Variants in ADCY10 observed in about 807,000 individuals in gnomAD.
ADCY10 encodes the protein adenylate cyclase type 10.
A neutral mutation model predicts 183.3 loss-of-function variants in ADCY10; 156 were observed. The ratio of observed to expected loss-of-function variants is 0.85; its 90% CI spans 0.75 to 0.97. The LOEUF is 0.97. ADCY10 is among the 50% of genes least tolerant of loss of function. The probability of loss-of-function intolerance (pLI) is 0.00; values close to 1 mark genes in which losing one functional copy is unlikely to be tolerated. For synonymous variants in ADCY10, 645 were observed against 670.0 expected (o/e 0.96, Z 0.58); for missense variants, 1,745 against 1,934.3 (o/e 0.90, Z 1.84).
chr1:167,864,868 CTG>C, intron 14 of ADCY10, among the ~76,000 whole-genome samples: 1 of 145,700 alleles, frequency 6.9e-6, no homozygotes, highest in Non-Finnish European at 1.5e-5. Flanking sequence ...TGCATTCAAT[CTG>C]TAGCAGCAGC....
chr1:167,876,855 T>G (rs1667503731), intron 12 of ADCY10, among the ~76,000 whole-genome samples: 1 of 152,334 alleles, frequency 6.6e-6, no homozygotes, highest in South Asian at 2.1e-4. Context: ...TGAAAAATGC[T>G]TTTGCATTGG....
At chr1:167,879,877 CAT>C (rs1287415264) in intron 11 of ADCY10, among the ~76,000 whole-genome samples, 1 of 152,226 alleles carries the variant, frequency 6.6e-6, no homozygotes, top group African/African-American at 2.4e-5. Context: ...ATTCCATCAA[CAT>C]ATAGCCTCCC....
At chr1:167,847,164 T>C (rs1299157607) in intron 19 of ADCY10, among the ~76,000 whole-genome samples, 1 of 151,916 alleles carries the variant, frequency 6.6e-6, no homozygotes, top group Non-Finnish European at 1.5e-5. Flanking sequence ...TGACCTCAGG[T>C]GATCCACCTG....
rs539280690 is a variant in ADCY10, at chr1:167,833,283, A to C, written c.3418-121T>G. On this transcript the variant is annotated intron_variant, in intron 24 of 32. Coordinates refer to ENST00000367851, the MANE Select transcript of ADCY10 (RefSeq NM_018417.6). ...CAAAAAAGGTAATTTATGGACCAGA[A>C]ACAAAATCTTCCTGTGCCTGGCATA... The C allele has an allele frequency of 3.8e-5, 35 of 917,694 alleles. No individual in the cohort carries two copies. In the African/African-American group the frequency reaches 4.9e-4, roughly 13 times the overall value. 56.8% of individuals were successfully genotyped at this position (917,694 alleles called of 1,614,324 possible). A position where few individuals can be genotyped will look rare whatever the true frequency, so the allele number is the denominator to read the frequency against.
At chr1:167,820,040 A>G (rs896728319) in intron 30 of ADCY10, 3 of 1,578,838 alleles carry the variant, frequency 1.9e-6, no homozygotes, top group African/African-American at 1.4e-5. Flanking sequence ...TCCCAGTTCT[A>G]CGTTTCAAAG....
At chr1:167,874,352 A>C (rs1241527780) in intron 13 of ADCY10, among the ~76,000 whole-genome samples, 2 of 152,218 alleles carry the variant, frequency 1.3e-5, no homozygotes, top group South Asian at 2.1e-4. Context: ...ATAAATAAAT[A>C]AATCCAAATG....
At chr1:167,841,172 G>A (rs1664608800) in intron 21 of ADCY10, among the ~76,000 whole-genome samples, 1 of 151,982 alleles carries the variant, frequency 6.6e-6, no homozygotes, top group African/African-American at 2.4e-5. Flanking sequence ...GAACTCTTGA[G>A]CTCAAGCAAT....
intron 17 of ADCY10, among the ~76,000 whole-genome samples, chr1:167,854,896 T>C (rs999946052): frequency 6.6e-6 from 1 of 152,154 alleles, no homozygotes; most frequent in Non-Finnish European, 1.5e-5. Flanking sequence ...CCTGGAGTTA[T>C]CTTAAATGAG....
intron 1 of ADCY10, among the ~76,000 whole-genome samples, chr1:167,913,403 A>G (rs1312291927): frequency 6.6e-6 from 1 of 152,200 alleles, no homozygotes; most frequent in East Asian, 1.9e-4. Flanking sequence ...TCACGAGTCC[A>G]AAGAGGGAGA....
In ADCY10 at chr1:167,898,912, A is replaced by G. The variant is rs191026421; in HGVS notation, c.642+511T>C. On this transcript the variant is annotated intron_variant, in intron 6 of 32. Coordinates refer to ENST00000367851, the MANE Select transcript of ADCY10 (RefSeq NM_018417.6). ...CCATATCCCAGGGACAGTTCTGCTT[A>G]TAGTCAATCTGCAACTTAACCACAA... is the stretch of plus-strand genomic sequence containing the variant. Among the ~76,000 whole-genome samples the G allele has an allele frequency of 2.0e-5, 3 of 152,232 alleles. No homozygotes were observed. The East Asian group carries it at 5.8e-4, about 29-fold the overall frequency.
intron 13 of ADCY10, among the ~76,000 whole-genome samples, chr1:167,871,892 T>G (rs1200683873): frequency 6.6e-6 from 1 of 152,212 alleles, no homozygotes; most frequent in Non-Finnish European, 1.5e-5. Context: ...TTGGCCTGAA[T>G]GAAGCTCACA....
Position 167,880,134 on chromosome 1 carries a change from A to C in ADCY10, c.1197T>G (p.Thr399=). 1 of 1,612,998 alleles carries C rather than the reference A, an allele frequency of 6.2e-7. No homozygotes were observed. Among genetic ancestry groups the C allele is most frequent in the Non-Finnish European group, 8.5e-7 (1 of 1,179,682 alleles). The change falls in exon 11 of 33, where the codon ACT becomes ACG. Residue 399 remains threonine, a synonymous_variant. Coordinates refer to ENST00000367851, the MANE Select transcript of ADCY10 (RefSeq NM_018417.6). ...GCACACCTGTGTACTCGTGTCTCAC[A>C]GTGTGTCCAACGATCCCACAGAAGA... ...GIVFCGIVGH[T]VRHEYTVIGQ... is the part of the protein sequence containing the mutation.
Position 167,818,137 on chromosome 1 carries a change from G to A in ADCY10, c.4417C>T (p.His1473Tyr), listed in dbSNP as rs1211510987. Residue 1473 changes from histidine (H) to tyrosine (Y), a missense_variant, in exon 31 of 33, where the codon CAC (histidine) becomes TAC (tyrosine). By Grantham distance (83) the His-to-Tyr change is moderately conservative (BLOSUM62 2). Transcript: ENST00000367851. ...ISRYMEGQVLHLQKQIKEQSE... is the reference protein window; with the variant it reads ...ISRYMEGQVLYLQKQIKEQSE... ...TGTTCTTTGATTTGTTTTTGAAGGTGAAGAACTTGCCCCTCCATGTACCTA... is the reference window on the plus strand; with the variant it reads ...TGTTCTTTGATTTGTTTTTGAAGGTAAAGAACTTGCCCCTCCATGTACCTA... 1.9e-6 allele frequency: 3 copies of A among 1,614,188 alleles called. No homozygotes were observed. The Middle Eastern group carries it at 4.9e-4, about 266-fold the overall frequency.
intron 8 of ADCY10, among the ~76,000 whole-genome samples, chr1:167,891,145 A>G (rs1024678858): frequency 2.6e-4 from 39 of 151,852 alleles, no homozygotes; most frequent in African/African-American, 9.2e-4. Flanking sequence ...TATTTTTAGT[A>G]GAGACAAGGT....
intron 1 of ADCY10, among the ~76,000 whole-genome samples, chr1:167,905,582 T>C (rs904768298): frequency 2.0e-5 from 3 of 150,950 alleles, no homozygotes; most frequent in South Asian, 2.1e-4. Flanking sequence ...CCTTGGTCTT[T>C]TACTTTTTTC....
Position 167,868,245 on chromosome 1 carries a change from T to G in ADCY10, c.1616+2012A>C, listed in dbSNP as rs535225323. On this transcript the variant is annotated intron_variant, in intron 14 of 32. Coordinates refer to ENST00000367851, the MANE Select transcript of ADCY10 (RefSeq NM_018417.6). ...TGTTACGTTTGTGGAGAAACTGTAA[T>G]AAGAGATCAATGGCATAAGAAGCCC... is the stretch of plus-strand genomic sequence containing the variant. Among the ~76,000 whole-genome samples the G allele has an allele frequency of 7.9e-5, 12 of 152,304 alleles. No homozygotes were observed. In the South Asian group the frequency reaches 2.5e-3, roughly 32 times the overall value.
rs539820019 is a variant in ADCY10, at chr1:167,833,744, CAAA to C, written c.3417+223_3417+225del. On this transcript the variant is annotated intron_variant, in intron 24 of 32. Coordinates refer to ENST00000367851, the MANE Select transcript of ADCY10 (RefSeq NM_018417.6). ...TGGGCAACACAGCAAGACTCCCTCTCAAAAAAAAAAAAAAAAAAAGATGTAAAC... is the reference window on the plus strand; with the variant it reads ...TGGGCAACACAGCAAGACTCCCTCTCAAAAAAAAAAAAAAAAGATGTAAAC... Among the ~76,000 whole-genome samples, 146 of 98,398 alleles carry C rather than the reference CAAA, an allele frequency of 1.5e-3. 1 individual carries two copies. Among genetic ancestry groups the C allele is most frequent in the African/African-American group, 3.8e-3 (112 of 29,468 alleles). 64.6% of individuals were successfully genotyped at this position (98,398 alleles called of 152,430 possible). A position where few individuals can be genotyped will look rare whatever the true frequency, so the allele number is the denominator to read the frequency against.
At chr1:167,885,621 G>C (rs906190209) in intron 8 of ADCY10, among the ~76,000 whole-genome samples, 14 of 151,918 alleles carry the variant, frequency 9.2e-5, no homozygotes, top group African/African-American at 3.1e-4. Context: ...TGTCTATTTC[G>C]ATCTTTTTTT....
At chr1:167,883,155 A>G (rs1347942867) in intron 9 of ADCY10, among the ~76,000 whole-genome samples, 6 of 152,214 alleles carry the variant, frequency 3.9e-5, no homozygotes, top group Non-Finnish European at 8.8e-5. Context: ...GTCCTGCCTC[A>G]GCCTCCTGAG....
Sources: allele counts gnomAD v4.1 joint callset (sites outside exome capture counted in the v4.1 genomes callset), GRCh38; gene constraint gnomAD v4.1.1; transcripts MANE v1.5; gene names NCBI Gene and HGNC (gene_info 2026-07-23, HGNC 2026-07-21).